The following QRICH1 variants were observed in gnomAD, a reference collection of about 807,000 sequenced individuals.
QRICH1 encodes the protein transcriptional regulator QRICH1.
Under a neutral mutation model 87.1 loss-of-function variants are expected in QRICH1, and 16 were observed. The observed-to-expected ratio is 0.18, with a 90% confidence interval of 0.12 to 0.28. The LOEUF is 0.28. QRICH1 is among the 10% of genes least tolerant of loss of function. QRICH1 has a pLI of 1.00. For synonymous variants in QRICH1, 367 were observed against 368.4 expected (o/e 1.00, Z 0.05); for missense variants, 647 against 951.7 (o/e 0.68, Z 4.21).
At chr3:49,067,856 CAGG>C (rs1297196879) in intron 2 of QRICH1, among the ~76,000 whole-genome samples, 1 of 151,692 alleles carries the variant, frequency 6.6e-6, no homozygotes. Context: ...AAGGCGGAGG[CAGG>C]AGAACCACTT....
intron 2 of QRICH1, among the ~76,000 whole-genome samples, chr3:49,065,684 C>CTT (rs935571492): frequency 5.7e-5 from 8 of 140,452 alleles, no homozygotes; most frequent in South Asian, 2.2e-4. Flanking sequence ...GAGTCTCTCT[C>CTT]TTTTTTTTTT....
At chr3:49,046,950 A>T in intron 4 of QRICH1, 119 bp downstream of exon 4, 1 of 1,148,762 alleles carries the variant, frequency 8.7e-7, no homozygotes, top group Non-Finnish European at 1.2e-6. Context: ...ACATACTATT[A>T]CAGATGTTGC....
chr3:49,046,262 T>TA (rs11374545), intron 5 of QRICH1, among the ~76,000 whole-genome samples, 163 bp downstream of exon 5: 19,035 of 129,776 alleles, frequency 0.15, 2,428 homozygotes, highest in East Asian at 0.6. Context: ...TTTTAAAACT[T>TA]AAAAAAAAAA....
chr3:49,039,835 G>A lies in QRICH1; in HGVS notation c.1786+4555C>T, dbSNP rs537034380. 9.8e-4 allele frequency among the ~76,000 whole-genome samples: 149 copies of A among 152,120 alleles called. 1 individual carries two copies. The highest frequency in any genetic ancestry group is 1.8e-3 in the Non-Finnish European group (125 of 67,998). On this transcript the variant is annotated intron_variant, in intron 6 of 9. Transcript: ENST00000395443. Reference sequence around the variant, plus strand: ...AGCACTTTGGGAGGCTGAGGCAGGCGGATCACTTTAGGTCAGGAGTTTGAG... The same window carrying A: ...AGCACTTTGGGAGGCTGAGGCAGGCAGATCACTTTAGGTCAGGAGTTTGAG...
chr3:49,079,749 C>T (rs763320736), intron 1 of QRICH1, among the ~76,000 whole-genome samples: 33 of 152,110 alleles, frequency 2.2e-4, no homozygotes, highest in East Asian at 1.2e-3. Context: ...CATCTTTCAG[C>T]CCAGTGCGGT....
intron 6 of QRICH1, among the ~76,000 whole-genome samples, chr3:49,038,403 T>C (rs2093288804): frequency 6.6e-6 from 1 of 151,724 alleles, no homozygotes; most frequent in Admixed American, 6.6e-5. Flanking sequence ...TTTACCTTTT[T>C]TGTTGATTTA....
At chr3:49,067,061 A>G (rs182279363) in intron 2 of QRICH1, among the ~76,000 whole-genome samples, 29 of 152,072 alleles carry the variant, frequency 1.9e-4, no homozygotes, top group African/African-American at 6.3e-4. Flanking sequence ...GAAATTACTT[A>G]TCAATGCTCA....
chr3:49,084,961 T>C (rs1317832621), intron 1 of QRICH1, among the ~76,000 whole-genome samples: 2 of 151,030 alleles, frequency 1.3e-5, no homozygotes, highest in Non-Finnish European at 3.0e-5. Context: ...GCTATCACGG[T>C]GAAACCCCGT....
chr3:49,073,496 C>T (rs1332833077), intron 2 of QRICH1, among the ~76,000 whole-genome samples: 1 of 149,190 alleles, frequency 6.7e-6, no homozygotes, highest in Non-Finnish European at 1.5e-5. Context: ...GCTGAGATCA[C>T]GCCACTGCTC....
At chr3:49,041,515 T>C (rs1049781905) in intron 6 of QRICH1, among the ~76,000 whole-genome samples, 1 of 151,890 alleles carries the variant, frequency 6.6e-6, no homozygotes, top group African/African-American at 2.4e-5. Context: ...ATGAATGAGA[T>C]GGGGGTCTCA....
chr3:49,031,316 T>C (rs1031843650), intron 9 of QRICH1, among the ~76,000 whole-genome samples: 1 of 152,132 alleles, frequency 6.6e-6, no homozygotes, highest in African/African-American at 2.4e-5. Flanking sequence ...CCAATAATGA[T>C]GGCCATTACA....
rs532737165 is a variant in QRICH1, at chr3:49,056,034, G to A, written c.1338+828C>T. On this transcript the variant is annotated intron_variant, in intron 3 of 9. Transcript: ENST00000395443. ...CCTGTTGTCCAGGCTGGAATGCAAT[G>A]GCGCAATCTCAGCTCACTGCAACCT... 6.6e-5 allele frequency among the ~76,000 whole-genome samples: 10 copies of A among 152,034 alleles called. No homozygotes were observed. The South Asian group carries it at 2.1e-3, about 32-fold the overall frequency.
At position 49,076,827 on chromosome 3, in the gene QRICH1, G is replaced by A; in HGVS notation, c.191C>T (p.Thr64Ile). 6.2e-7 allele frequency: 1 copy of A among 1,613,914 alleles called. No homozygotes were observed. Among genetic ancestry groups the A allele is most frequent in the Non-Finnish European group, 8.5e-7 (1 of 1,179,874 alleles). ...VYQQGGNCIY[T>I]DSTEVAGSLL... ...AGACCCAGCCACTTCAGTGCTGTCTGTGTATATGCAGTTCCCACCCTGTTG... is the reference window on the plus strand; with the variant it reads ...AGACCCAGCCACTTCAGTGCTGTCTATGTATATGCAGTTCCCACCCTGTTG... Residue 64 changes from threonine (T) to isoleucine (I), a missense_variant, in exon 2 of 10, where the codon ACA becomes ATA. By Grantham distance (89) the Thr-to-Ile change is moderately conservative. Around this residue, in one of 7 missense-constraint regions of QRICH1, gnomAD observed 56 missense variants for 109.6 expected, o/e 0.51. Transcript: ENST00000395443.
intron 1 of QRICH1, among the ~76,000 whole-genome samples, chr3:49,092,909 T>C (rs542296433): frequency 6.6e-6 from 1 of 152,358 alleles, no homozygotes; most frequent in South Asian, 2.1e-4. Flanking sequence ...GAGGCAAAGG[T>C]GGGCCTTTAA....
intron 1 of QRICH1, among the ~76,000 whole-genome samples, chr3:49,087,938 A>G (rs1306035169): frequency 1.3e-5 from 2 of 149,084 alleles, no homozygotes; most frequent in Non-Finnish European, 3.0e-5. Flanking sequence ...ATGTGAATAT[A>G]TTCATTTTAT....
chr3:49,074,777 G>T (rs1282153962), intron 2 of QRICH1, among the ~76,000 whole-genome samples: 2 of 151,084 alleles, frequency 1.3e-5, no homozygotes, highest in Non-Finnish European at 2.9e-5. Flanking sequence ...AGGAGATCGA[G>T]ACCATCCTGG....
At chr3:49,038,041 C>T (rs1351990494) in intron 6 of QRICH1, among the ~76,000 whole-genome samples, 1 of 151,726 alleles carries the variant, frequency 6.6e-6, no homozygotes, top group Non-Finnish European at 1.5e-5. Context: ...ATTTATAAGA[C>T]TATTAAAAAT....
chr3:49,074,853 C>A, intron 2 of QRICH1, among the ~76,000 whole-genome samples: 1 of 151,822 alleles, frequency 6.6e-6, no homozygotes, highest in East Asian at 1.9e-4. Context: ...GTGGCAGCTG[C>A]CTGTAGTCCC....
chr3:49,088,232 C>A (rs1247453216), intron 1 of QRICH1, among the ~76,000 whole-genome samples: 1 of 152,072 alleles, frequency 6.6e-6, no homozygotes, highest in African/African-American at 2.4e-5. Context: ...GGATTACAGG[C>A]GTGAGCCACC....
Sources: allele counts gnomAD v4.1 joint callset (sites outside exome capture counted in the v4.1 genomes callset), GRCh38; gene constraint gnomAD v4.1.1; regional missense constraint gnomAD v4.1.1; transcripts MANE v1.5; gene names NCBI Gene and HGNC (gene_info 2026-07-23, HGNC 2026-07-21).